NRL: variants seen among roughly 807,000 people sequenced by gnomAD.
NRL encodes the protein neural retina leucine zipper.
A neutral mutation model predicts 12.5 loss-of-function variants in NRL; 16 were observed. The ratio of observed to expected loss-of-function variants is 1.28; its 90% CI spans 0.87 to 1.95. The LOEUF is 1.95. Ranked by LOEUF, NRL falls within the 30% of genes most tolerant of loss-of-function variation. The pLI is 0.00. For synonymous variants in NRL, 142 were observed against 150.9 expected (o/e 0.94, Z 0.43); for missense variants, 314 against 325.8 (o/e 0.96, Z 0.28).
intron 1 of NRL, chr14:24,097,007 G>C (rs1203564774): frequency 6.2e-7 from 1 of 1,613,642 alleles, no homozygotes; most frequent in South Asian, 1.1e-5. Context: ...AGATTTTGTA[G>C]AGCACAGTGC....
chr14:24,078,992 A>G lies in NRL; in HGVS notation c.*2244T>C. 6.6e-6 allele frequency among the ~76,000 whole-genome samples: 1 copy of G among 152,100 alleles called. No individual in the cohort carries two copies. Among genetic ancestry groups the G allele is most frequent in the East Asian group, 1.9e-4 (1 of 5,194 alleles). On this transcript the variant is annotated 3_prime_UTR_variant, in exon 3 of 3. Transcript: ENST00000561028. Reference sequence around the variant, plus strand: ...TATTTTATTTTATTTTTTTGTAGTGACAGGGTTCTCGCTATGTTGCCCAGG... The same window carrying G: ...TATTTTATTTTATTTTTTTGTAGTGGCAGGGTTCTCGCTATGTTGCCCAGG...
chr14:24,097,195 C>G, intron 1 of NRL: 1 of 1,552,462 alleles, frequency 6.4e-7, no homozygotes, highest in Non-Finnish European at 8.8e-7. Context: ...TTTGGGTTCA[C>G]CAAGGCAAAA....
intron 1 of NRL, chr14:24,103,555 G>T: frequency 6.4e-7 from 1 of 1,567,158 alleles, no homozygotes; most frequent in South Asian, 1.2e-5. Flanking sequence ...CCCTTTTTTG[G>T]CTACAACTTC....
chr14:24,114,557 C>A (rs1384302827), intron 1 of NRL, 165 bp downstream of exon 1: 3 of 438,302 alleles, frequency 6.8e-6, no homozygotes, highest in South Asian at 1.9e-4. Flanking sequence ...AACCACCAAA[C>A]GTTTCTTTTT....
At chr14:24,110,343 AAGCG>A in intron 1 of NRL, 1 of 396,334 alleles carries the variant, frequency 2.5e-6, no homozygotes, top group South Asian at 1.7e-5. Context: ...TCCTGTGGTC[AAGCG>A]AGCTGCCCGC....
intron 1 of NRL, chr14:24,100,232 G>C (rs1330203150): frequency 1.9e-6 from 3 of 1,613,536 alleles, no homozygotes; most frequent in African/African-American, 2.7e-5. Context: ...GGTGGGGAAG[G>C]TGTGGCACAG....
chr14:24,100,385 C>G, intron 1 of NRL: 1 of 1,380,542 alleles, frequency 7.2e-7, no homozygotes, highest in Non-Finnish European at 9.6e-7. Flanking sequence ...CCCAACTCCA[C>G]CAGTCACTGG....
intron 1 of NRL, among the ~76,000 whole-genome samples, chr14:24,096,589 A>G (rs1301682375): frequency 1.3e-5 from 2 of 152,190 alleles, no homozygotes; most frequent in South Asian, 2.1e-4. Context: ...GGCATGGGCT[A>G]CACAGGCAGT....
At position 24,082,776 on chromosome 14, in the gene NRL, G is replaced by A. The variant is rs2036358473; in HGVS notation, c.73C>T (p.Arg25Trp). ...CCAGGTCGGCCCTCAGAGGGTTCCCGCTTTACCTCAAACTTCATCAAGTCA... is the reference window on the plus strand; with the variant it reads ...CCAGGTCGGCCCTCAGAGGGTTCCCACTTTACCTCAAACTTCATCAAGTCA... ...DFDLMKFEVKREPSEGRPGPP... is the reference protein window; with the variant it reads ...DFDLMKFEVKWEPSEGRPGPP... The change falls in exon 2 of 3, where the codon CGG becomes TGG. Residue 25 changes from arginine (R) to tryptophan (W), a missense_variant. Coordinates refer to ENST00000561028, the MANE Select transcript of NRL (RefSeq NM_001354768.3). The A allele has an allele frequency of 1.6e-5, 26 of 1,614,040 alleles. No homozygotes were observed. The East Asian group carries it at 3.8e-4, about 24-fold the overall frequency.
intron 1 of NRL, chr14:24,099,825 C>T (rs773955206): frequency 1.3e-6 from 2 of 1,502,734 alleles, no homozygotes; most frequent in South Asian, 2.3e-5. Context: ...GTTTCCTGAA[C>T]ACCCAACCCT....
intron 1 of NRL, chr14:24,100,354 A>G: frequency 6.8e-7 from 1 of 1,465,582 alleles, no homozygotes; most frequent in Non-Finnish European, 9.0e-7. Context: ...TTCCAGTCCC[A>G]GGCAAAATCT....
Position 24,094,336 on chromosome 14 carries a change from C to A in NRL, c.-27-11461G>T. 6.9e-7 allele frequency: 1 copy of A among 1,447,920 alleles called. No homozygotes were observed. Among genetic ancestry groups the A allele is most frequent in the Non-Finnish European group, 9.4e-7 (1 of 1,068,544 alleles). 89.7% of individuals were successfully genotyped at this position (1,447,920 alleles called of 1,614,324 possible). On this transcript the variant is annotated intron_variant, in intron 1 of 2. Coordinates refer to ENST00000561028, the MANE Select transcript of NRL (RefSeq NM_001354768.3). This position sits in a 1 kb window ranked among gnomAD's most constrained non-coding sequence, Gnocchi z 4.1. ...GTGGCTCGCTTCGCCGCGCTCCCTC[C>A]TTCCCCGCCTTCCATACCTCCCCGG...
At chr14:24,091,197 C>T (rs2036621779) in intron 1 of NRL, among the ~76,000 whole-genome samples, 1 of 151,104 alleles carries the variant, frequency 6.6e-6, no homozygotes, top group Non-Finnish European at 1.5e-5. Flanking sequence ...GTTGCCCAGG[C>T]TGGAGTGCAG....
intron 1 of NRL, among the ~76,000 whole-genome samples, chr14:24,107,773 G>C (rs1288712830): frequency 6.6e-6 from 1 of 152,120 alleles, no homozygotes; most frequent in Non-Finnish European, 1.5e-5. Flanking sequence ...AGCCATATTT[G>C]AGTTGTCATA....
chr14:24,113,950 C>G (rs1413798942), intron 1 of NRL, among the ~76,000 whole-genome samples: 1 of 152,234 alleles, frequency 6.6e-6, no homozygotes, highest in African/African-American at 2.4e-5. Context: ...TCATTCAACC[C>G]ACACGTCCCC....
chr14:24,099,489 C>G, intron 1 of NRL: 4 of 1,431,540 alleles, frequency 2.8e-6, no homozygotes, highest in Non-Finnish European at 3.8e-6. Flanking sequence ...CCTAGCTGCC[C>G]TTCCCCATGC....
chr14:24,104,681 G>A (rs1445138225), intron 1 of NRL, among the ~76,000 whole-genome samples: 1 of 150,444 alleles, frequency 6.6e-6, no homozygotes, highest in Non-Finnish European at 1.5e-5. Flanking sequence ...AAAAAAAACT[G>A]AGGGCCTCAG....
chr14:24,103,251 C>A, intron 1 of NRL: 1 of 1,611,056 alleles, frequency 6.2e-7, no homozygotes, highest in Non-Finnish European at 8.5e-7. Flanking sequence ...CAGCAGAACA[C>A]AAAGGTGAGC....
At chr14:24,097,522 T>C (rs531294016) in intron 1 of NRL, among the ~76,000 whole-genome samples, 4 of 150,570 alleles carry the variant, frequency 2.7e-5, no homozygotes, top group Non-Finnish European at 5.9e-5. Flanking sequence ...CAAGATCGCG[T>C]CATTGCACTC....
Sources: gnomAD v4.1 joint callset for allele counts (sites outside exome capture counted in the v4.1 genomes callset) on GRCh38, gnomAD v4.1.1 for gene constraint, Gnocchi (gnomAD v3.1) non-coding constraint, MANE v1.5 for transcripts, NCBI Gene and HGNC (gene_info 2026-07-23, HGNC 2026-07-21) for gene names.